PASK: variants seen among roughly 807,000 people sequenced by gnomAD.
The protein encoded by PASK is PAS domain containing serine/threonine kinase.
A neutral mutation model predicts 121.0 loss-of-function variants in PASK; 110 were observed. The ratio of observed to expected loss-of-function variants is 0.91; its 90% confidence interval spans 0.78 to 1.06. The LOEUF is 1.06. PASK is among the 50% of genes least tolerant of loss of function. PASK has a pLI of 0.00. For synonymous variants in PASK, 686 were observed against 717.8 expected (o/e 0.96, Z 0.71); for missense variants, 1,643 against 1,702.3 (o/e 0.97, Z 0.61).
chr2:241,112,010 C>T lies in PASK; in HGVS notation c.3533+230G>A, dbSNP rs563743480. On this transcript the variant is annotated intron_variant, in intron 15 of 17. Transcript: ENST00000234040. This position sits in a 1 kb window ranked among gnomAD's most constrained non-coding sequence, Gnocchi z 5.2. ...GCTTTTTATTATATGAAACTCCAAACAAATAAAAGCTGAGAAAATAAAATT... is the reference window on the plus strand; with the variant it reads ...GCTTTTTATTATATGAAACTCCAAATAAATAAAAGCTGAGAAAATAAAATT... Among the ~76,000 whole-genome samples the T allele has an allele frequency of 1.3e-5, 2 of 152,252 alleles. No homozygotes were observed. The highest frequency in any genetic ancestry group is 2.4e-5 in the African/African-American group (1 of 41,548).
rs1179047182 is a variant in PASK, at chr2:241,127,460, A to T, written c.1464-9T>A. ...CTGGGACATTGTCCACCCTGGGGATAATGACATGGGTGACCATCATGTAGG... is the reference window on the plus strand; with the variant it reads ...CTGGGACATTGTCCACCCTGGGGATTATGACATGGGTGACCATCATGTAGG... On this transcript the variant is annotated splice_polypyrimidine_tract_variant and intron_variant, in intron 9 of 17. Coordinates refer to ENST00000234040, the MANE Select transcript of PASK (RefSeq NM_015148.4). The T allele has an allele frequency of 2.5e-6, 4 of 1,611,024 alleles. No homozygotes were observed. Among genetic ancestry groups the T allele is most frequent in the Non-Finnish European group, 2.5e-6 (3 of 1,177,232 alleles).
chr2:241,131,440 G>A (rs772644110), intron 9 of PASK, among the ~76,000 whole-genome samples: 52 of 152,264 alleles, frequency 3.4e-4, no homozygotes, highest in Non-Finnish European at 6.0e-4. Flanking sequence ...GATCCACCGC[G>A]CCTGGCCCAT....
intron 5 of PASK, 106 bp downstream of exon 5, chr2:241,138,548 C>T: frequency 7.3e-7 from 1 of 1,363,344 alleles, no homozygotes; most frequent in Non-Finnish European, 1.0e-6. Flanking sequence ...GGCTCCTCAT[C>T]CTCTCTTTCT....
rs536678758 is a variant in PASK at position 241,111,174 on chromosome 2, C to T, written c.3533+1066G>A. On this transcript the variant is annotated intron_variant, in intron 15 of 17. Coordinates refer to ENST00000234040, the MANE Select transcript of PASK (RefSeq NM_015148.4). ...AGAGCCCAAGGCACGGCATGGAGCT[C>T]GTGCGTGACTGCGAGCAAATGCCCT... Among the ~76,000 whole-genome samples, 156 of 152,358 alleles carry T rather than the reference C, an allele frequency of 1.0e-3. 1 individual carries two copies. The highest frequency in any genetic ancestry group is 3.3e-3 in the African/African-American group (136 of 41,586).
rs749037753 is a variant in PASK at position 241,126,323 on chromosome 2, C to A, written c.2592G>T (p.Glu864Asp). ...AGGTGACCTGGACGTTCAGCCTTGG[C>A]TCCTCTGCTGATGGGCACGTGTCCT... is the stretch of plus-strand genomic sequence containing the variant. The part of the protein sequence containing the change: ...GPEDTCPSAE[E>D]PRLNVQVTST... The change falls in exon 10 of 18, where the codon GAG (glutamate) becomes GAT (aspartate). Residue 864 changes from glutamate (E) to aspartate (D), a missense_variant. By Grantham distance (45) the Glu-to-Asp change is conservative. Around this residue, in one of 3 missense-constraint regions of PASK, gnomAD observed 1,176 missense variants for 1,162.2 expected, o/e 1.01. Coordinates refer to ENST00000234040, the MANE Select transcript of PASK (RefSeq NM_015148.4). 139 of 1,614,112 alleles carry A rather than the reference C, an allele frequency of 8.6e-5. 1 individual carries two copies. The highest frequency in any genetic ancestry group is 4.7e-4 in the Admixed American group (28 of 60,010).
chr2:241,149,613 A>AC, upstream of PASK: 1 of 1,527,894 alleles, frequency 6.5e-7, no homozygotes, highest in Non-Finnish European at 8.8e-7. Flanking sequence ...CGCACCAAAC[A>AC]CCCCTACGGC....
In PASK at chr2:241,140,514, C is replaced by T. The variant is rs761471257; in HGVS notation, c.429+7G>A. 1.3e-6 allele frequency: 2 copies of T among 1,583,394 alleles called. No individual in the cohort carries two copies. Among genetic ancestry groups the T allele is most frequent in the East Asian group, 2.2e-5 (1 of 44,678 alleles). On this transcript the variant is annotated splice_region_variant and intron_variant, in intron 3 of 17. Coordinates refer to ENST00000234040, the MANE Select transcript of PASK (RefSeq NM_015148.4). Reference sequence around the variant, plus strand: ...TACACAGCTGGATCTAAAAGAGAAGCAAATACCTCTGTGGTCTTGGCATCC... The same window carrying T: ...TACACAGCTGGATCTAAAAGAGAAGTAAATACCTCTGTGGTCTTGGCATCC...
chr2:241,127,120 C>T lies in PASK; in HGVS notation c.1795G>A (p.Gly599Ser). Reference protein sequence around the residue: ...GAAVAKPQAKGQLAGGSLLMH... With the variant: ...GAAVAKPQAKSQLAGGSLLMH... ...AGGAGGCTGCCCCCCGCCAGCTGAC[C>T]CTTGGCCTGGGGCTTGGCCACGGCA... The change falls in exon 10 of 18, where the codon GGT (glycine) becomes AGT (serine). Residue 599 changes from glycine to serine, a missense_variant. By Grantham distance (56) the Gly-to-Ser change is moderately conservative. Transcript: ENST00000234040. 2 of 1,614,092 alleles carry T rather than the reference C, an allele frequency of 1.2e-6. No homozygotes were observed. Among genetic ancestry groups the T allele is most frequent in the South Asian group, 2.2e-5 (2 of 91,080 alleles).
At position 241,118,809 on chromosome 2, in the gene PASK, G is replaced by A. The variant is rs147917001; in HGVS notation, c.3073-3396C>T. 2,106 of 516,586 alleles carry A rather than the reference G, an allele frequency of 4.1e-3. 51 individuals carry two copies. Among genetic ancestry groups the A allele is most frequent in the African/African-American group, 0.039 (1,962 of 49,968 alleles). The allele number at this position is 516,586 out of a possible 1,614,324, so 32.0% of individuals were successfully genotyped here. On this transcript the variant is annotated intron_variant, in intron 12 of 17. Transcript: ENST00000234040. ...CAGCCTGGCCAAGGAACAGGCCAGC[G>A]TGTACACCAAGCTGTGTGGTGTACA...
At chr2:241,143,898 T>C (rs1449423087) in intron 1 of PASK, among the ~76,000 whole-genome samples, 1 of 152,266 alleles carries the variant, frequency 6.6e-6, no homozygotes, top group Non-Finnish European at 1.5e-5. Context: ...ACCAGAGATT[T>C]GTATTTTTAG....
intron 2 of PASK, among the ~76,000 whole-genome samples, chr2:241,141,142 T>C (rs1014389381): frequency 2.0e-5 from 3 of 152,138 alleles, no homozygotes; most frequent in Non-Finnish European, 4.4e-5. Context: ...TAAAAATCAG[T>C]TGGGCATAGT....
rs2065899320 is a variant in PASK, at chr2:241,127,023, GA to G, written c.1891del (p.Ser631LeufsTer13). The G allele has an allele frequency of 6.2e-7, 1 of 1,614,072 alleles. No homozygotes were observed. The highest frequency in any genetic ancestry group is 1.3e-5 in the African/African-American group (1 of 74,950). ...CCCAAACGAGAGGCCTGCCATCCCA[GA>G]GGGGCTGGGGGCCAAGTCCTGGCTT... is the stretch of plus-strand genomic sequence containing the variant. ...WRSQDLAPSP[S>X]GMAGLSFGTP... On this transcript the variant is annotated frameshift_variant, in exon 10 of 18. Coordinates refer to ENST00000234040, the MANE Select transcript of PASK (RefSeq NM_015148.4). LOFTEE classifies it high-confidence loss of function.
intron 1 of PASK, 134 bp from the exon 2 acceptor site, chr2:241,143,208 C>T (rs2066793451): frequency 1.5e-6 from 1 of 664,378 alleles, no homozygotes; most frequent in East Asian, 2.7e-5. Flanking sequence ...TGGGTCAGAA[C>T]CCGCAATGGG....
In PASK at chr2:241,108,141, G is replaced by C; in HGVS notation, c.3667+26C>G. Reference sequence around the variant, plus strand: ...CTGGTCTCTAAGGACAGTGTCGACTGTCTACCACTTGCAGCTCACGCTCAC... The same window carrying C: ...CTGGTCTCTAAGGACAGTGTCGACTCTCTACCACTTGCAGCTCACGCTCAC... On this transcript the variant is annotated intron_variant, in intron 16 of 17. Coordinates refer to ENST00000234040, the MANE Select transcript of PASK (RefSeq NM_015148.4). The surrounding 1 kb of genome is among the most constrained non-coding windows in gnomAD (Gnocchi z 5.2). The C allele has an allele frequency of 6.2e-7, 1 of 1,613,624 alleles. No individual in the cohort carries two copies.
intron 8 of PASK, among the ~76,000 whole-genome samples, chr2:241,135,413 C>T (rs1166281166): frequency 1.3e-5 from 2 of 152,114 alleles, no homozygotes; most frequent in Non-Finnish European, 2.9e-5. Flanking sequence ...GCCAACTTCA[C>T]CTCCCACCAG....
intron 7 of PASK, among the ~76,000 whole-genome samples, chr2:241,136,342 G>A (rs1429327930): frequency 6.6e-6 from 1 of 152,226 alleles, no homozygotes; most frequent in Admixed American, 6.5e-5. Flanking sequence ...ATGGATCTGG[G>A]AGCCTGTGTT....
At position 241,126,226 on chromosome 2, in the gene PASK, TC is replaced by T; in HGVS notation, c.2688del (p.Ser897AlafsTer10). On this transcript the variant is annotated frameshift_variant, in exon 10 of 18. Coordinates refer to ENST00000234040, the MANE Select transcript of PASK (RefSeq NM_015148.4). LOFTEE classifies it high-confidence loss of function. Reference protein sequence around the residue: ...QREIQEGAYSGSCYHRDGLRL... With the variant: ...QREIQEGAYSXSCYHRDGLRL... ...CGTAAGCCATCTCGATGGTAGCAGC[TC>T]CCGGAGTAGGCACCCTCCTGGATCT... 1 of 1,613,782 alleles carries T rather than the reference TC, an allele frequency of 6.2e-7. No individual in the cohort carries two copies. The highest frequency in any genetic ancestry group is 8.5e-7 in the Non-Finnish European group (1 of 1,179,948).
At chr2:241,133,203 C>T in intron 8 of PASK, 173 bp from the exon 9 acceptor site, 1 of 686,220 alleles carries the variant, frequency 1.5e-6, no homozygotes, top group Non-Finnish European at 2.6e-6. Context: ...TGCCTCCTGT[C>T]TCCCTGCTCC....
intron 4 of PASK, among the ~76,000 whole-genome samples, chr2:241,139,166 C>T (rs1320393064): frequency 6.6e-6 from 1 of 152,156 alleles, no homozygotes; most frequent in Non-Finnish European, 1.5e-5. Context: ...TGGTCCTAAG[C>T]CTGTGACATC....
Sources: gnomAD v4.1 joint callset for allele counts (sites outside exome capture counted in the v4.1 genomes callset) on GRCh38, gnomAD v4.1.1 for gene constraint, gnomAD v4.1.1 regional missense constraint, Gnocchi (gnomAD v3.1) non-coding constraint, MANE v1.5 for transcripts, NCBI Gene and HGNC (gene_info 2026-07-23, HGNC 2026-07-21) for gene names.